ROBO2: variants seen among roughly 807,000 people sequenced by gnomAD.
ROBO2 encodes the protein roundabout homolog 2.
Under a neutral mutation model 160.8 loss-of-function variants are expected in ROBO2, and 53 were observed. The ratio of observed to expected loss-of-function variants is 0.33; its 90% confidence interval spans 0.26 to 0.41. ROBO2 has a LOEUF of 0.41. ROBO2 is among the 10% of genes least tolerant of loss of function. ROBO2 has a pLI of 1.00. For missense variants in ROBO2, 1,577 were observed against 1,722.4 expected (o/e 0.92, Z 1.49); for synonymous variants, 664 against 611.7 (o/e 1.09, Z -1.26).
At chr3:77,528,297 A>G (rs2091352525) in intron 6 of ROBO2, among the ~76,000 whole-genome samples, 1 of 151,662 alleles carries the variant, frequency 6.6e-6, no homozygotes, top group East Asian at 1.9e-4. Flanking sequence ...TATAACAAAA[A>G]GGTACTTTAA....
At chr3:76,328,883 A>AATAT (rs10544435) in intron 2 of ROBO2, among the ~76,000 whole-genome samples, 1 of 144,356 alleles carries the variant, frequency 6.9e-6, no homozygotes, top group Admixed American at 7.1e-5. Flanking sequence ...AACAAAAACA[A>AATAT]ATATATATAT....
chr3:76,434,694 G>T, intron 2 of ROBO2: 2 of 1,104,880 alleles, frequency 1.8e-6, no homozygotes, highest in African/African-American at 3.1e-5. Context: ...CCTCCTCCCC[G>T]TTCACCAGGC....
At chr3:77,406,270 TC>T (rs1281730654) in intron 2 of ROBO2, among the ~76,000 whole-genome samples, 1 of 152,146 alleles carries the variant, frequency 6.6e-6, no homozygotes, top group Non-Finnish European at 1.5e-5. Context: ...TCCGGTCACC[TC>T]CCAGCATGTC....
intron 1 of ROBO2, among the ~76,000 whole-genome samples, chr3:75,910,723 G>A (rs1946538774): frequency 6.6e-6 from 1 of 152,134 alleles, no homozygotes; most frequent in Admixed American, 6.5e-5. Flanking sequence ...ATTTGCTCCT[G>A]AAGGGTAATT....
chr3:76,702,834 G>A (rs1357877638), intron 2 of ROBO2, among the ~76,000 whole-genome samples: 2 of 152,058 alleles, frequency 1.3e-5, no homozygotes, highest in Non-Finnish European at 2.9e-5. Flanking sequence ...AAGGTAAGAC[G>A]AAAGTTGACA....
At chr3:76,203,001 C>T (rs1425133688) in intron 2 of ROBO2, among the ~76,000 whole-genome samples, 1 of 151,206 alleles carries the variant, frequency 6.6e-6, no homozygotes, top group African/African-American at 2.5e-5. Flanking sequence ...ACACTCTTCC[C>T]TCCTAAAATA....
chr3:77,105,208 A>C (rs902957776), intron 2 of ROBO2, among the ~76,000 whole-genome samples: 3 of 152,230 alleles, frequency 2.0e-5, no homozygotes, highest in African/African-American at 7.2e-5. Flanking sequence ...AAGAACTATT[A>C]TCATTCTCTA....
intron 2 of ROBO2, among the ~76,000 whole-genome samples, chr3:76,915,373 G>C (rs1203338040): frequency 2.0e-5 from 3 of 151,958 alleles, no homozygotes; most frequent in Non-Finnish European, 2.9e-5. Flanking sequence ...TAAAGATTGA[G>C]AAGCTGGCCA....
intron 2 of ROBO2, among the ~76,000 whole-genome samples, chr3:77,293,777 T>A (rs557816537): frequency 7.1e-6 from 1 of 141,168 alleles, no homozygotes; most frequent in African/African-American, 2.9e-5. Flanking sequence ...AAAGTAAAAT[T>A]GATGGTTAAA....
intron 2 of ROBO2, among the ~76,000 whole-genome samples, chr3:76,812,839 G>A (rs542790058): frequency 6.7e-6 from 1 of 150,304 alleles, no homozygotes; most frequent in South Asian, 2.1e-4. Context: ...TGTTATTAAT[G>A]GCATGAACAG....
chr3:77,345,896 T>C (rs548183175), intron 2 of ROBO2, among the ~76,000 whole-genome samples: 2 of 152,298 alleles, frequency 1.3e-5, no homozygotes, highest in East Asian at 1.9e-4. Context: ...TATTTGCCTG[T>C]TAATGTAGGT....
chr3:77,508,045 T>C (rs2088828692), intron 5 of ROBO2, among the ~76,000 whole-genome samples: 1 of 151,854 alleles, frequency 6.6e-6, no homozygotes, highest in Admixed American at 6.6e-5. Flanking sequence ...AAAGAAACCC[T>C]TTCTCTATAA....
In ROBO2 at chr3:76,260,197, G is replaced by A. The variant is rs146514264; in HGVS notation, c.109+322595G>A. 2.3e-3 allele frequency among the ~76,000 whole-genome samples: 354 copies of A among 152,220 alleles called. 2 individuals are homozygous for A. The highest frequency in any genetic ancestry group is 4.0e-3 in the Non-Finnish European group (269 of 68,014). On this transcript the variant is annotated intron_variant, in intron 2 of 26. Coordinates refer to the ROBO2 transcript ENST00000487694. ...ATGCGGAATCCCAGTGCTGATATGC[G>A]AGAGCCACATGAACTTGTGGATGGT...
chr3:76,061,255 A>G (rs546292232), intron 2 of ROBO2, among the ~76,000 whole-genome samples: 15 of 152,328 alleles, frequency 9.8e-5, no homozygotes, highest in Admixed American at 3.3e-4. Context: ...GGTAAAGTGC[A>G]TGCTTCCTTT....
At chr3:76,636,914 A>AG (rs1334096741) in intron 2 of ROBO2, among the ~76,000 whole-genome samples, 2 of 151,310 alleles carry the variant, frequency 1.3e-5, no homozygotes, top group African/African-American at 4.9e-5. Context: ...GGTGAGGGGA[A>AG]GGAGGACAAA....
chr3:76,037,218 A>G (rs1387829268), intron 2 of ROBO2, among the ~76,000 whole-genome samples: 1 of 151,858 alleles, frequency 6.6e-6, no homozygotes, highest in African/African-American at 2.4e-5. Context: ...TCAGTGGTAG[A>G]AACACATGCT....
intron 2 of ROBO2, among the ~76,000 whole-genome samples, chr3:76,935,256 A>T (rs1577619461): frequency 6.6e-6 from 1 of 152,266 alleles, no homozygotes; most frequent in East Asian, 1.9e-4. Flanking sequence ...CCCAGCCTAG[A>T]CTTACAAAAA....
At chr3:76,444,388 AG>A (rs1476612409) in intron 2 of ROBO2, among the ~76,000 whole-genome samples, 1 of 152,194 alleles carries the variant, frequency 6.6e-6, no homozygotes, top group Non-Finnish European at 1.5e-5. Flanking sequence ...ATTTTCCAAA[AG>A]GTTTGTATTA....
intron 2 of ROBO2, among the ~76,000 whole-genome samples, chr3:76,690,558 TTC>T (rs1228066153): frequency 2.0e-5 from 3 of 152,058 alleles, no homozygotes; most frequent in Non-Finnish European, 4.4e-5. Context: ...AGAAATAAAT[TTC>T]TGTTATTTAT....
Sources: gnomAD v4.1 joint callset for allele counts (sites outside exome capture counted in the v4.1 genomes callset) on GRCh38, gnomAD v4.1.1 for gene constraint, MANE v1.5 for transcripts, NCBI Gene and HGNC (gene_info 2026-07-23, HGNC 2026-07-21) for gene names.